The following LRRFIP2 variants were observed in gnomAD, a reference collection of about 807,000 sequenced individuals.
LRRFIP2 encodes the protein LRR binding FLII interacting protein 2.
In LRRFIP2, 109 loss-of-function variants were observed where a neutral mutation model predicts 125.9. The ratio of observed to expected loss-of-function variants is 0.87; its 90% CI spans 0.74 to 1.01. The LOEUF is 1.01. Ranked by LOEUF, LRRFIP2 falls within the 50% of genes least tolerant of loss-of-function variation. The pLI, the probability that LRRFIP2 is intolerant of heterozygous loss-of-function variation, is 0.00. For missense variants in LRRFIP2, 850 were observed against 862.3 expected (o/e 0.99, Z 0.18); for synonymous variants, 291 against 293.1 (o/e 0.99, Z 0.07).
At position 37,052,733 on chromosome 3, in the gene LRRFIP2, C is replaced by A. The variant is rs2085878871; in HGVS notation, c.*1118G>T. 1 of 152,090 alleles carries A rather than the reference C, an allele frequency of 6.6e-6. No homozygotes were observed. The highest frequency in any genetic ancestry group is 1.5e-5 in the Non-Finnish European group (1 of 67,994). 9.4% of individuals were successfully genotyped at this position (152,090 alleles called of 1,614,324 possible). ...ACTAGATTTTCCCCCAATATATTTT[C>A]TGTGTAAGCACTTTAAAGATACAAT... is the stretch of plus-strand genomic sequence containing the variant. On this transcript the variant is annotated 3_prime_UTR_variant, in exon 28 of 28. Transcript: ENST00000336686.
intron 18 of LRRFIP2, among the ~76,000 whole-genome samples, chr3:37,084,361 G>T (rs1023850837): frequency 2.0e-5 from 3 of 151,974 alleles, no homozygotes; most frequent in African/African-American, 7.2e-5. Context: ...ACACAAAAAT[G>T]AATATTAAAA....
intron 2 of LRRFIP2, among the ~76,000 whole-genome samples, chr3:37,144,848 CT>C (rs1451214755): frequency 1.3e-5 from 2 of 152,092 alleles, no homozygotes; most frequent in Non-Finnish European, 2.9e-5. Flanking sequence ...CAATTTGGGC[CT>C]TTACAGACTA....
At chr3:37,109,849 A>G in intron 9 of LRRFIP2, 146 bp from the exon 10 acceptor site, 2 of 661,692 alleles carry the variant, frequency 3.0e-6, no homozygotes, top group Non-Finnish European at 5.2e-6. Flanking sequence ...GTTAAGAAAC[A>G]CAAGAAATAA....
rs764947640 is a variant in LRRFIP2 at position 37,094,825 on chromosome 3, T to C, written c.1002A>G (p.Leu334=). 7 of 1,613,844 alleles carry C rather than the reference T, an allele frequency of 4.3e-6. No individual in the cohort carries two copies. The highest frequency in any genetic ancestry group is 5.1e-6 in the Non-Finnish European group (6 of 1,179,802). Reference sequence around the variant, plus strand: ...CACTTAATGAAGTGTCTGGATCTATTAAGCTGCTGGTGTCCCCACTTCCTC... The same window carrying C: ...CACTTAATGAAGTGTCTGGATCTATCAAGCTGCTGGTGTCCCCACTTCCTC... ...SRRGSGDTSS[L]IDPDTSLSEL... is the part of the protein sequence containing the mutation. The change falls in exon 17 of 28, where the codon TTA becomes TTG. Residue 334 remains leucine, a synonymous_variant. Transcript: ENST00000336686.
intron 18 of LRRFIP2, among the ~76,000 whole-genome samples, chr3:37,085,495 T>C (rs970930610): frequency 1.3e-4 from 19 of 150,944 alleles, no homozygotes; most frequent in Admixed American, 1.3e-3. Flanking sequence ...TACCCCAGCC[T>C]GGGTAACAGA....
At position 37,056,082 on chromosome 3, in the gene LRRFIP2, A is replaced by T. The variant is rs139828271; in HGVS notation, c.1871-917T>A. On this transcript the variant is annotated intron_variant, in intron 25 of 27. Transcript: ENST00000336686. ...GAGGGGCCCTGTCTTGGCCTTCCTA[A>T]ATCTACCTATGTACCTAGCCAAGTG... 1.4e-4 allele frequency among the ~76,000 whole-genome samples: 21 copies of T among 152,300 alleles called. No homozygotes were observed. In the East Asian group the frequency reaches 3.9e-3, roughly 28 times the overall value.
rs556989062 is a variant in LRRFIP2 at position 37,055,847 on chromosome 3, G to A, written c.1871-682C>T. On this transcript the variant is annotated intron_variant, in intron 25 of 27. Transcript: ENST00000336686. ...CTGGGCCCTCTAGTTCCCTGAACGCGGCCCCATGCCTTCCCATCTCCCAGG... is the reference window on the plus strand; with the variant it reads ...CTGGGCCCTCTAGTTCCCTGAACGCAGCCCCATGCCTTCCCATCTCCCAGG... 1.5e-4 allele frequency among the ~76,000 whole-genome samples: 23 copies of A among 152,166 alleles called. No individual in the cohort carries two copies. In the East Asian group the frequency reaches 2.7e-3, roughly 18 times the overall value.
intron 1 of LRRFIP2, among the ~76,000 whole-genome samples, chr3:37,156,543 A>G (rs36065157): frequency 6.6e-6 from 1 of 151,148 alleles, no homozygotes; most frequent in South Asian, 2.1e-4. Flanking sequence ...GCGTGGTGGC[A>G]GGCGCCTGTA....
chr3:37,147,787 G>A (rs1056243720), intron 2 of LRRFIP2, among the ~76,000 whole-genome samples: 1 of 152,252 alleles, frequency 6.6e-6, no homozygotes, highest in African/African-American at 2.4e-5. Context: ...TGCAGTTGCA[G>A]ATAGAGTCTG....
intron 1 of LRRFIP2, among the ~76,000 whole-genome samples, chr3:37,167,030 CAGA>C (rs542152351): frequency 1.6e-4 from 24 of 150,088 alleles, no homozygotes; most frequent in African/African-American, 4.6e-4. Context: ...AAAAAAGAAA[CAGA>C]AGGAGAAAAG....
intron 24 of LRRFIP2, 99 bp from the exon 25 acceptor site, chr3:37,059,009 G>C (rs755681505): frequency 8.9e-6 from 13 of 1,455,130 alleles, no homozygotes; most frequent in Non-Finnish European, 1.1e-5. Context: ...GACCCTTATC[G>C]TATCAGCCAC....
intron 20 of LRRFIP2, among the ~76,000 whole-genome samples, chr3:37,074,194 G>A (rs958780920): frequency 1.2e-4 from 18 of 152,106 alleles, no homozygotes; most frequent in African/African-American, 3.9e-4. Context: ...AGAGAAAGAG[G>A]GAGAGAAAAA....
At position 37,111,028 on chromosome 3, in the gene LRRFIP2, A is replaced by G. The variant is rs144999621; in HGVS notation, c.476T>C (p.Leu159Pro). Residue 159 changes from leucine (L) to proline (P), a missense_variant, in exon 9 of 28, where the codon CTT (leucine) becomes CCT (proline). By Grantham distance (98) the Leu-to-Pro change is moderately conservative. Coordinates refer to ENST00000336686, the MANE Select transcript of LRRFIP2 (RefSeq NM_006309.4). ...GGCAGAGGTGGGTTTGCTATGTCTA[A>G]GACTGCTATAGTTTCTCTGGTCAAA... The part of the protein sequence containing the change: ...LYFDQRNYSS[L>P]RHSKPTSAYY... The G allele has an allele frequency of 3.6e-5, 58 of 1,613,856 alleles. No homozygotes were observed. The African/African-American group carries it at 6.5e-4, about 18-fold the overall frequency.
intron 8 of LRRFIP2, 41 bp downstream of exon 8, chr3:37,112,874 A>T (rs1378640664): frequency 3.4e-6 from 4 of 1,174,544 alleles, no homozygotes; most frequent in Non-Finnish European, 4.9e-6. Context: ...AGTTCCTAAC[A>T]GTACTTCGTG....
intron 4 of LRRFIP2, among the ~76,000 whole-genome samples, chr3:37,125,502 C>T (rs534972783): frequency 6.6e-6 from 1 of 152,292 alleles, no homozygotes; most frequent in East Asian, 1.9e-4. Context: ...CTGGTTCTGC[C>T]AATGACTATG....
chr3:37,056,652 A>G (rs2086970965), intron 25 of LRRFIP2, among the ~76,000 whole-genome samples: 1 of 151,954 alleles, frequency 6.6e-6, no homozygotes, highest in African/African-American at 2.4e-5. Context: ...ACGGGGTTTC[A>G]CCATGTTAGC....
intron 25 of LRRFIP2, among the ~76,000 whole-genome samples, chr3:37,055,730 G>A (rs903788017): frequency 3.3e-5 from 5 of 152,152 alleles, no homozygotes; most frequent in African/African-American, 1.2e-4. Flanking sequence ...TATGATATGT[G>A]TGAGCAGGGC....
chr3:37,066,699 A>T (rs1040338562), intron 21 of LRRFIP2: 2 of 170,682 alleles, frequency 1.2e-5, no homozygotes, highest in African/African-American at 4.9e-5. Context: ...TTATTTGGTG[A>T]ACAAAAAAAA....
intron 3 of LRRFIP2, 116 bp downstream of exon 3, chr3:37,128,947 T>G (rs2095356524): frequency 1.1e-6 from 1 of 897,726 alleles, no homozygotes; most frequent in African/African-American, 1.7e-5. Context: ...AATACATACA[T>G]CAGTTTATAC....
Sources: allele counts gnomAD v4.1 joint callset (sites outside exome capture counted in the v4.1 genomes callset), GRCh38; gene constraint gnomAD v4.1.1; transcripts MANE v1.5; gene names NCBI Gene and HGNC (gene_info 2026-07-23, HGNC 2026-07-21).